Variants in UVRAG observed in about 807,000 individuals in gnomAD.
UVRAG encodes UV radiation resistance associated.
In UVRAG, 19 loss-of-function variants were observed where a neutral mutation model predicts 78.0. The ratio of observed to expected loss-of-function variants is 0.24; its 90% CI spans 0.17 to 0.36. UVRAG has a LOEUF of 0.36. Among genes scored for constraint, UVRAG ranks in the 10% least tolerant of loss-of-function variants. The pLI is 1.00. For missense variants in UVRAG, 740 were observed against 853.8 expected (o/e 0.87, Z 1.66); for synonymous variants, 323 against 324.6 (o/e 1.00, Z 0.05).
chr11:76,108,437 C>G (rs1279302033), intron 13 of UVRAG, among the ~76,000 whole-genome samples: 2 of 152,196 alleles, frequency 1.3e-5, no homozygotes, highest in Admixed American at 1.3e-4. Flanking sequence ...ATCTCCAGAG[C>G]TGCAAGTGGT....
At chr11:76,111,950 G>A (rs1472303758) in intron 13 of UVRAG, among the ~76,000 whole-genome samples, 1 of 150,068 alleles carries the variant, frequency 6.7e-6, no homozygotes, top group African/African-American at 2.5e-5. Context: ...AAATCCAGAG[G>A]GTAAAGTGAA....
At chr11:75,952,094 T>G (rs1948712887) in intron 6 of UVRAG, among the ~76,000 whole-genome samples, 3 of 152,196 alleles carry the variant, frequency 2.0e-5, no homozygotes, top group Admixed American at 2.0e-4. Context: ...TTATTGATAT[T>G]AAATAGAAAC....
At chr11:76,058,534 CAAAAAA>C (rs71471400) in intron 12 of UVRAG, among the ~76,000 whole-genome samples, 3 of 111,350 alleles carry the variant, frequency 2.7e-5, no homozygotes, top group Non-Finnish European at 5.3e-5. Flanking sequence ...ACCCTATCTC[CAAAAAA>C]AAAAAAAAAA....
intron 6 of UVRAG, chr11:75,942,516 A>G (rs556568796): frequency 1.3e-5 from 2 of 152,238 alleles, no homozygotes; most frequent in South Asian, 4.1e-4. Context: ...TTACAAATCC[A>G]TGTTTTTTCT....
chr11:76,107,282 T>C (rs1358417774), intron 13 of UVRAG, among the ~76,000 whole-genome samples: 1 of 152,220 alleles, frequency 6.6e-6, no homozygotes, highest in African/African-American at 2.4e-5. Flanking sequence ...GAAAAGAGCC[T>C]GTAAGGGTAG....
At chr11:76,005,569 C>G (rs769090991) in intron 9 of UVRAG, among the ~76,000 whole-genome samples, 1 of 152,200 alleles carries the variant, frequency 6.6e-6, no homozygotes, top group Non-Finnish European at 1.5e-5. Context: ...ACATTAGATT[C>G]TCCAGCAGAC....
At chr11:75,952,851 T>A (rs1356039091) in intron 6 of UVRAG, among the ~76,000 whole-genome samples, 1 of 152,132 alleles carries the variant, frequency 6.6e-6, no homozygotes, top group Admixed American at 6.6e-5. Context: ...TTTTTGATGC[T>A]ACTGGCATTT....
At chr11:76,059,919 T>C (rs1172021880) in intron 12 of UVRAG, among the ~76,000 whole-genome samples, 1 of 152,192 alleles carries the variant, frequency 6.6e-6, no homozygotes, top group Non-Finnish European at 1.5e-5. Context: ...AATCTTAATA[T>C]GTATGATTTA....
intron 14 of UVRAG, among the ~76,000 whole-genome samples, chr11:76,133,960 T>TTC (rs1952558036): frequency 6.9e-6 from 1 of 145,338 alleles, no homozygotes; most frequent in South Asian, 2.1e-4. Flanking sequence ...TTTCTTTTCT[T>TTC]TTTTTTTTTT....
In UVRAG at chr11:76,143,920, C is replaced by T. The variant is rs1229220364; in HGVS notation, c.*2507C>T. 2.6e-5 allele frequency among the ~76,000 whole-genome samples: 4 copies of T among 152,364 alleles called. No homozygotes were observed. The highest frequency in any genetic ancestry group is 3.4e-3 in the Middle Eastern group (1 of 294). On this transcript the variant is annotated 3_prime_UTR_variant, in exon 15 of 15. Coordinates refer to ENST00000356136, the MANE Select transcript of UVRAG (RefSeq NM_003369.4). ...GCTAAGAACCCTTTCAGTTTTCTTA[C>T]AGCTGAGACACTTTTAAACAGCGGG...
intron 13 of UVRAG, among the ~76,000 whole-genome samples, chr11:76,090,796 A>G (rs548567143): frequency 3.3e-4 from 51 of 152,324 alleles, no homozygotes; most frequent in African/African-American, 1.1e-3. Context: ...AGATATTCAG[A>G]CATGTTAGAT....
chr11:76,070,092 C>G (rs1036528837), intron 13 of UVRAG, among the ~76,000 whole-genome samples: 1 of 152,084 alleles, frequency 6.6e-6, no homozygotes, highest in African/African-American at 2.4e-5. Flanking sequence ...ACACAACGCA[C>G]ACACACACAA....
intron 7 of UVRAG, among the ~76,000 whole-genome samples, chr11:75,971,168 T>C (rs1181995491): frequency 6.6e-6 from 1 of 152,228 alleles, no homozygotes; most frequent in Non-Finnish European, 1.5e-5. Flanking sequence ...ATTTCTCTTT[T>C]GATGGGTTGA....
At chr11:76,100,292 T>C (rs1951855636) in intron 13 of UVRAG, among the ~76,000 whole-genome samples, 2 of 152,122 alleles carry the variant, frequency 1.3e-5, no homozygotes, top group African/African-American at 4.8e-5. Flanking sequence ...GGGGAGTGTG[T>C]CCTAATATGT....
chr11:76,140,781 G>A lies in UVRAG; in HGVS notation c.1468G>A (p.Val490Ile), dbSNP rs907003965. 1.9e-6 allele frequency: 3 copies of A among 1,613,906 alleles called. No homozygotes were observed. Among genetic ancestry groups the A allele is most frequent in the Non-Finnish European group, 2.5e-6 (3 of 1,179,924 alleles). ...RQSSIFGGAD[V>I]GFSGGIPSPD... ...AAGCTCCATATTTGGGGGTGCAGAT[G>A]TAGGCTTCTCTGGGGGGATCCCTTC... The change falls in exon 15 of 15, where the codon GTA (valine) becomes ATA (isoleucine). Residue 490 changes from valine (V) to isoleucine (I), a missense_variant. Val to Ile is a conservative substitution (Grantham distance 29). Transcript: ENST00000356136.
chr11:75,992,834 C>T (rs1949639461), intron 8 of UVRAG, among the ~76,000 whole-genome samples: 1 of 152,152 alleles, frequency 6.6e-6, no homozygotes, highest in South Asian at 2.1e-4. Context: ...ACCATAGTCA[C>T]TGGTATTTGC....
At chr11:76,049,526 T>G (rs1950823022) in intron 12 of UVRAG, among the ~76,000 whole-genome samples, 1 of 152,204 alleles carries the variant, frequency 6.6e-6, no homozygotes, top group Admixed American at 6.5e-5. Context: ...AATAGAAATC[T>G]TGTATGAAAT....
chr11:76,047,197 G>T (rs975316397), intron 12 of UVRAG, among the ~76,000 whole-genome samples: 3 of 152,160 alleles, frequency 2.0e-5, no homozygotes, highest in African/African-American at 7.2e-5. Context: ...CACTTCTTTT[G>T]GGACTAGGGG....
chr11:76,130,368 A>G (rs1446089537), intron 14 of UVRAG, among the ~76,000 whole-genome samples: 2 of 152,192 alleles, frequency 1.3e-5, no homozygotes, highest in Admixed American at 6.5e-5. Context: ...AACATGAACC[A>G]TGGCTTTTTT....
Sources: allele counts gnomAD v4.1 joint callset (sites outside exome capture counted in the v4.1 genomes callset), GRCh38; gene constraint gnomAD v4.1.1; transcripts MANE v1.5; gene names NCBI Gene and HGNC (gene_info 2026-07-23, HGNC 2026-07-21).